Variants in LRRC28 observed in about 807,000 individuals in gnomAD.
LRRC28 encodes the protein leucine rich repeat containing 28.
In LRRC28, 39 loss-of-function variants were observed where a neutral mutation model predicts 45.7. The observed-to-expected ratio is 0.85, with a 90% CI of 0.66 to 1.12. The LOEUF is 1.12. Ranked by LOEUF, LRRC28 falls within the 50% of genes most tolerant of loss-of-function variation. LRRC28 has a pLI of 0.00. For missense variants in LRRC28, 435 were observed against 438.5 expected, an observed-to-expected ratio of 0.99 and a Z score of 0.07; for synonymous variants, 206 against 178.8, an observed-to-expected ratio of 1.15 and a Z score of -1.22.
intron 7 of LRRC28, among the ~76,000 whole-genome samples, chr15:99,354,514 C>G (rs968574042): frequency 6.6e-6 from 1 of 152,100 alleles, no homozygotes; most frequent in Non-Finnish European, 1.5e-5. Flanking sequence ...AAAGGACATA[C>G]GTGTGTTGAA....
chr15:99,255,419 A>G (rs1338096044), intron 1 of LRRC28, among the ~76,000 whole-genome samples: 1 of 152,098 alleles, frequency 6.6e-6, no homozygotes, highest in Non-Finnish European at 1.5e-5. Context: ...AATATAGGAC[A>G]ATATTTATAT....
intron 6 of LRRC28, among the ~76,000 whole-genome samples, chr15:99,346,045 A>G (rs563754356): frequency 1.3e-5 from 2 of 152,138 alleles, no homozygotes; most frequent in East Asian, 3.9e-4. Context: ...GCAGTGGTGT[A>G]GTCATGGCTC....
chr15:99,371,500 T>C (rs982192338), intron 9 of LRRC28, among the ~76,000 whole-genome samples: 1 of 152,234 alleles, frequency 6.6e-6, no homozygotes, highest in African/African-American at 2.4e-5. Flanking sequence ...TCCCACTCAC[T>C]AGTAGTTTAT....
chr15:99,268,592 G>A (rs999366150), intron 2 of LRRC28, among the ~76,000 whole-genome samples: 1 of 152,096 alleles, frequency 6.6e-6, no homozygotes, highest in South Asian at 2.1e-4. Context: ...TAGTCCCATC[G>A]AATCAGTCAA....
At chr15:99,317,761 A>G (rs1420976875) in intron 5 of LRRC28, among the ~76,000 whole-genome samples, 4 of 152,152 alleles carry the variant, frequency 2.6e-5, no homozygotes, top group Non-Finnish European at 5.9e-5. Flanking sequence ...TTTATTTGCA[A>G]CTAAAGCATT....
chr15:99,339,432 TA>T (rs1225556730), intron 6 of LRRC28, among the ~76,000 whole-genome samples: 1 of 152,020 alleles, frequency 6.6e-6, no homozygotes, highest in Admixed American at 6.6e-5. Context: ...AATGTTAACT[TA>T]AAAAAACAGT....
At chr15:99,381,497 G>A (rs2152560742) in intron 9 of LRRC28, among the ~76,000 whole-genome samples, 1 of 152,330 alleles carries the variant, frequency 6.6e-6, no homozygotes, top group Admixed American at 6.5e-5. Context: ...TTAGCTTGGA[G>A]AAGTTTGATC....
chr15:99,277,705 T>C (rs2081656151), intron 3 of LRRC28, among the ~76,000 whole-genome samples: 1 of 152,220 alleles, frequency 6.6e-6, no homozygotes, highest in Non-Finnish European at 1.5e-5. Flanking sequence ...TTTGCTTTCA[T>C]CCTTTTGTAT....
At chr15:99,358,045 C>G (rs975186991) in intron 7 of LRRC28, among the ~76,000 whole-genome samples, 2 of 152,062 alleles carry the variant, frequency 1.3e-5, no homozygotes, top group Admixed American at 6.6e-5. Flanking sequence ...TGCTTGAATA[C>G]CTAGAAAACT....
intron 5 of LRRC28, among the ~76,000 whole-genome samples, chr15:99,302,260 C>T (rs1332304363): frequency 6.6e-6 from 1 of 152,122 alleles, no homozygotes; most frequent in Non-Finnish European, 1.5e-5. Flanking sequence ...ATCTCCTGAC[C>T]TCATGATCTG....
chr15:99,362,453 C>T (rs1957229548), intron 8 of LRRC28, among the ~76,000 whole-genome samples: 1 of 152,176 alleles, frequency 6.6e-6, no homozygotes. Context: ...TGCTCATCAT[C>T]AGTAGAAACC....
At chr15:99,273,604 T>A (rs1307572705) in intron 2 of LRRC28, among the ~76,000 whole-genome samples, 1 of 152,208 alleles carries the variant, frequency 6.6e-6, no homozygotes, top group Non-Finnish European at 1.5e-5. Context: ...TGCTTATTTT[T>A]AAATAAAAAC....
chr15:99,386,875 T>G lies in LRRC28; in HGVS notation c.*773T>G, dbSNP rs929478085. ...ATATGAGAAGAATTTGAGGAATATT[T>G]GAAGCTTTACAAGATCTGATTTTTT... On this transcript the variant is annotated 3_prime_UTR_variant, in exon 10 of 10. Transcript: ENST00000301981. 6.6e-6 allele frequency: 1 copy of G among 152,196 alleles called. No homozygotes were observed. The highest frequency in any genetic ancestry group is 1.5e-5 in the Non-Finnish European group (1 of 68,038). The allele number at this position is 152,196 out of a possible 1,614,324, so 9.4% of individuals were successfully genotyped here.
At chr15:99,306,198 A>G (rs778253843) in intron 5 of LRRC28, among the ~76,000 whole-genome samples, 3 of 152,226 alleles carry the variant, frequency 2.0e-5, no homozygotes, top group African/African-American at 7.2e-5. Flanking sequence ...GTTGTCCCAG[A>G]CATTGCCCAC....
intron 9 of LRRC28, among the ~76,000 whole-genome samples, chr15:99,370,943 T>C (rs1396042597): frequency 6.6e-6 from 1 of 152,196 alleles, no homozygotes; most frequent in Non-Finnish European, 1.5e-5. Context: ...CTTTAGAAAT[T>C]AAAAATATTT....
At chr15:99,270,389 A>G (rs2081443454) in intron 2 of LRRC28, among the ~76,000 whole-genome samples, 1 of 152,176 alleles carries the variant, frequency 6.6e-6, no homozygotes, top group Non-Finnish European at 1.5e-5. Context: ...ACTCCAGAGT[A>G]AAACCCCTCA....
At chr15:99,383,638 T>G (rs1030333012) in intron 9 of LRRC28, among the ~76,000 whole-genome samples, 3 of 152,226 alleles carry the variant, frequency 2.0e-5, no homozygotes, top group African/African-American at 7.2e-5. Context: ...GATTTTTCTC[T>G]CTCACCTCTG....
At chr15:99,316,687 T>C (rs1417138166) in intron 5 of LRRC28, among the ~76,000 whole-genome samples, 1 of 148,718 alleles carries the variant, frequency 6.7e-6, no homozygotes, top group Non-Finnish European at 1.5e-5. Flanking sequence ...AAAGAGAGAT[T>C]TGAGGTAGGA....
chr15:99,286,401 G>A (rs1287099805), intron 3 of LRRC28, among the ~76,000 whole-genome samples: 2 of 152,158 alleles, frequency 1.3e-5, no homozygotes, highest in African/African-American at 4.8e-5. Flanking sequence ...AAAGTGCTGG[G>A]ATTACAGGCG....
Sources: allele counts gnomAD v4.1 joint callset (sites outside exome capture counted in the v4.1 genomes callset), GRCh38; gene constraint gnomAD v4.1.1; transcripts MANE v1.5; gene names NCBI Gene and HGNC (gene_info 2026-07-23, HGNC 2026-07-21).